ANGPT1: variants seen among roughly 807,000 people sequenced by gnomAD.
The protein encoded by ANGPT1 is angiopoietin 1.
In ANGPT1, 17 loss-of-function variants were observed where a neutral mutation model predicts 62.2. The ratio of observed to expected loss-of-function variants is 0.27; its 90% confidence interval spans 0.19 to 0.41. The LOEUF is 0.41. Ranked by LOEUF, ANGPT1 falls within the 10% of genes least tolerant of loss-of-function variation. The probability of loss-of-function intolerance (pLI) is 1.00; values close to 1 mark genes in which losing one functional copy is unlikely to be tolerated. For synonymous variants in ANGPT1, 199 were observed against 198.9 expected (o/e 1.00, Z 0.00); for missense variants, 478 against 594.9 (o/e 0.80, Z 2.04).
chr8:107,490,145 C>T (rs1427169626), intron 1 of ANGPT1, among the ~76,000 whole-genome samples: 1 of 152,154 alleles, frequency 6.6e-6, no homozygotes, highest in East Asian at 1.9e-4. Flanking sequence ...AGTGAGAGCA[C>T]TTCTAATGTT....
At chr8:107,375,419 T>A (rs531966096) in intron 1 of ANGPT1, among the ~76,000 whole-genome samples, 1 of 152,290 alleles carries the variant, frequency 6.6e-6, no homozygotes, top group East Asian at 1.9e-4. Flanking sequence ...AGCTAAATTC[T>A]ACATTATTAT....
At chr8:107,481,812 T>TCACTATCGTGAGAACTCACC (rs1176591479) in intron 1 of ANGPT1, among the ~76,000 whole-genome samples, 3 of 152,070 alleles carry the variant, frequency 2.0e-5, no homozygotes, top group Non-Finnish European at 4.4e-5. Context: ...GAGAACTCAC[T>TCACTATCGTGAGAACTCACC]CACTATCGTG....
intron 2 of ANGPT1, 123 bp from the exon 3 acceptor site, chr8:107,336,394 A>T: frequency 1.5e-6 from 2 of 1,375,058 alleles, no homozygotes; most frequent in Non-Finnish European, 1.9e-6. Context: ...CGCCGGGCGC[A>T]GTGGCTCACG....
intron 1 of ANGPT1, among the ~76,000 whole-genome samples, chr8:107,385,132 C>CGTTT (rs1481450346): frequency 6.6e-6 from 1 of 151,966 alleles, no homozygotes; most frequent in Non-Finnish European, 1.5e-5. Flanking sequence ...TTTGGAATGT[C>CGTTT]GTTTGTTTGT....
intron 1 of ANGPT1, among the ~76,000 whole-genome samples, chr8:107,425,945 GC>G (rs1372765457): frequency 6.6e-6 from 1 of 152,124 alleles, no homozygotes; most frequent in Non-Finnish European, 1.5e-5. Context: ...GTTTTGTGGG[GC>G]CCCAGGCTTA....
intron 1 of ANGPT1, among the ~76,000 whole-genome samples, chr8:107,362,584 G>A (rs1185454052): frequency 6.6e-6 from 1 of 152,024 alleles, no homozygotes; most frequent in African/African-American, 2.4e-5. Context: ...TTATCTCCAG[G>A]AAACCATGAA....
chr8:107,296,417 T>C (rs1814418246), intron 5 of ANGPT1, among the ~76,000 whole-genome samples: 1 of 151,928 alleles, frequency 6.6e-6, no homozygotes, highest in Non-Finnish European at 1.5e-5. Flanking sequence ...GAAAGATGGA[T>C]TTAGAGTTGG....
At chr8:107,433,148 G>A (rs945846270) in intron 1 of ANGPT1, among the ~76,000 whole-genome samples, 2 of 152,060 alleles carry the variant, frequency 1.3e-5, no homozygotes, top group East Asian at 1.9e-4. Flanking sequence ...TTTGGTGTGG[G>A]TATAGGGGAA....
intron 2 of ANGPT1, among the ~76,000 whole-genome samples, chr8:107,344,752 A>G (rs1815767708): frequency 1.3e-5 from 2 of 152,322 alleles, no homozygotes; most frequent in Non-Finnish European, 2.9e-5. Flanking sequence ...TACCACTGTG[A>G]AGCCAAGTTA....
chr8:107,295,227 T>G (rs887390392), intron 5 of ANGPT1: 1 of 152,084 alleles, frequency 6.6e-6, no homozygotes, highest in African/African-American at 2.4e-5. Flanking sequence ...TCGCCCTACT[T>G]TGACAACAGC....
chr8:107,315,825 A>G (rs1228009041), intron 4 of ANGPT1, among the ~76,000 whole-genome samples: 1 of 152,110 alleles, frequency 6.6e-6, no homozygotes, highest in Non-Finnish European at 1.5e-5. Flanking sequence ...AGCCGTTTGC[A>G]TCTGGTTTCC....
chr8:107,380,773 A>T (rs567362868), intron 1 of ANGPT1, among the ~76,000 whole-genome samples: 1 of 152,244 alleles, frequency 6.6e-6, no homozygotes, highest in African/African-American at 2.4e-5. Context: ...TTTGCTACTC[A>T]AGTAGGGCAG....
chr8:107,407,952 A>G (rs898187571), intron 1 of ANGPT1, among the ~76,000 whole-genome samples: 20 of 152,354 alleles, frequency 1.3e-4, no homozygotes, highest in African/African-American at 4.3e-4. Context: ...AAAACTCAGC[A>G]GTGGGCTGCA....
At chr8:107,480,078 T>G (rs1812636977) in intron 1 of ANGPT1, among the ~76,000 whole-genome samples, 1 of 152,168 alleles carries the variant, frequency 6.6e-6, no homozygotes, top group Non-Finnish European at 1.5e-5. Flanking sequence ...AAGGCAGACC[T>G]CAGGTCTAAT....
At position 107,352,969 on chromosome 8, in the gene ANGPT1, A is replaced by G. The variant is rs180925010; in HGVS notation, c.298-5872T>C. The stretch of plus-strand genomic sequence containing the variant: ...ATATCTAGGTTTATGGCCTTATTAA[A>G]AAAAAAGACAGCTGAAGCCAAATAT... On this transcript the variant is annotated intron_variant, in intron 1 of 8. Coordinates refer to ENST00000517746, the MANE Select transcript of ANGPT1 (RefSeq NM_001146.5). 1.1e-4 allele frequency among the ~76,000 whole-genome samples: 17 copies of G among 152,328 alleles called. No homozygotes were observed. In the East Asian group the frequency reaches 3.3e-3, roughly 29 times the overall value.
chr8:107,274,925 C>A (rs921797677), intron 7 of ANGPT1, among the ~76,000 whole-genome samples: 13 of 151,980 alleles, frequency 8.6e-5, no homozygotes, highest in Non-Finnish European at 1.6e-4. Flanking sequence ...CAATTACAAC[C>A]CAGTGTGATG....
chr8:107,440,931 C>A (rs1811459064), intron 1 of ANGPT1, among the ~76,000 whole-genome samples: 1 of 152,150 alleles, frequency 6.6e-6, no homozygotes, highest in African/African-American at 2.4e-5. Context: ...GATACTCTTT[C>A]CAAATCACCT....
intron 6 of ANGPT1, among the ~76,000 whole-genome samples, chr8:107,285,384 C>T (rs1424325202): frequency 6.6e-6 from 1 of 151,990 alleles, no homozygotes; most frequent in African/African-American, 2.4e-5. Flanking sequence ...ACCATAATTA[C>T]TTTTGCACCA....
intron 1 of ANGPT1, among the ~76,000 whole-genome samples, chr8:107,438,677 CA>C (rs1461219825): frequency 2.0e-5 from 3 of 151,856 alleles, no homozygotes; most frequent in African/African-American, 7.3e-5. Context: ...TGGTTATCAC[CA>C]AAATTATCTG....
Sources: allele counts gnomAD v4.1 joint callset (sites outside exome capture counted in the v4.1 genomes callset), GRCh38; gene constraint gnomAD v4.1.1; transcripts MANE v1.5; gene names NCBI Gene and HGNC (gene_info 2026-07-23, HGNC 2026-07-21).